CACNA2D1: variants seen among roughly 807,000 people sequenced by gnomAD.
The protein encoded by CACNA2D1 is voltage-dependent calcium channel subunit alpha-2/delta-1.
In CACNA2D1, 53 loss-of-function variants were observed where a neutral mutation model predicts 171.5. That is an observed-to-expected ratio of 0.31 (90% confidence interval 0.25 to 0.39). The LOEUF (loss-of-function observed/expected upper bound fraction) is 0.39. Ranked by LOEUF, CACNA2D1 falls within the 10% of genes least tolerant of loss-of-function variation. CACNA2D1 has a pLI of 1.00. For synonymous variants in CACNA2D1, 442 were observed against 443.1 expected (o/e 1.00, Z 0.03); for missense variants, 903 against 1,299.8 (o/e 0.69, Z 4.69).
chr7:82,296,185 A>C (rs900990927), intron 3 of CACNA2D1, among the ~76,000 whole-genome samples: 1 of 151,890 alleles, frequency 6.6e-6, no homozygotes, highest in African/African-American at 2.4e-5. Flanking sequence ...GGTGCAGCAC[A>C]CCAGCATGGC....
At chr7:82,036,104 T>C (rs973342415) in intron 11 of CACNA2D1, among the ~76,000 whole-genome samples, 1 of 152,218 alleles carries the variant, frequency 6.6e-6, no homozygotes, top group Admixed American at 6.5e-5. Flanking sequence ...TACTTACTAG[T>C]TCAGTTCAGA....
chr7:81,955,978 ATATTTTTTTTT>A (rs1168342759), intron 38 of CACNA2D1, among the ~76,000 whole-genome samples: 27 of 49,222 alleles, frequency 5.5e-4, no homozygotes, highest in Non-Finnish European at 8.0e-4. Flanking sequence ...ATATATATAT[ATATTTTTTTTT>A]TTTTTTTTTT....
intron 1 of CACNA2D1, among the ~76,000 whole-genome samples, chr7:82,416,356 C>T (rs1314641573): frequency 6.6e-6 from 1 of 152,044 alleles, no homozygotes; most frequent in Non-Finnish European, 1.5e-5. Context: ...CCCAACAGAG[C>T]AGCAAAAAGA....
intron 1 of CACNA2D1, among the ~76,000 whole-genome samples, chr7:82,427,670 C>T (rs1829312138): frequency 1.3e-5 from 2 of 152,118 alleles, no homozygotes; most frequent in South Asian, 4.1e-4. Flanking sequence ...TTCAAGTTAC[C>T]CAGCTAGTTG....
At chr7:82,400,306 T>C (rs1826232448) in intron 1 of CACNA2D1, among the ~76,000 whole-genome samples, 1 of 151,744 alleles carries the variant, frequency 6.6e-6, no homozygotes, top group Admixed American at 6.6e-5. Flanking sequence ...ATGGCCATTT[T>C]CACGATATTG....
chr7:82,013,587 ATATTT>A (rs1382374327), intron 13 of CACNA2D1, 77 bp from the exon 14 acceptor site: 1 of 500,878 alleles, frequency 2.0e-6, no homozygotes, highest in African/African-American at 2.0e-5. Context: ...TATTTTATAA[ATATTT>A]TATAAAGAGT....
At chr7:81,979,489 A>G (rs1401704318) in intron 24 of CACNA2D1, among the ~76,000 whole-genome samples, 1 of 152,176 alleles carries the variant, frequency 6.6e-6, no homozygotes, top group Non-Finnish European at 1.5e-5. Flanking sequence ...GAAAGCCAAC[A>G]TGCATAATCT....
chr7:82,016,766 A>T (rs1295700700), intron 12 of CACNA2D1, among the ~76,000 whole-genome samples: 1 of 151,992 alleles, frequency 6.6e-6, no homozygotes, highest in Non-Finnish European at 1.5e-5. Flanking sequence ...TGTCAGCTTT[A>T]ATTATAATTT....
At chr7:82,125,620 G>T (rs140303934) in intron 5 of CACNA2D1, among the ~76,000 whole-genome samples, 1 of 151,954 alleles carries the variant, frequency 6.6e-6, no homozygotes, top group African/African-American at 2.4e-5. Flanking sequence ...GCAAGTGCCC[G>T]TAGTGCCAGC....
chr7:81,980,549 G>A (rs1796343409), intron 24 of CACNA2D1, among the ~76,000 whole-genome samples: 1 of 152,094 alleles, frequency 6.6e-6, no homozygotes, highest in South Asian at 2.1e-4. Context: ...TAATCATAAA[G>A]ACAATATACA....
chr7:82,286,749 A>T (rs1810825314), intron 3 of CACNA2D1, among the ~76,000 whole-genome samples: 2 of 152,242 alleles, frequency 1.3e-5, no homozygotes. Flanking sequence ...GAAAGCAAAA[A>T]GAAAAATGTT....
Position 82,148,324 on chromosome 7 carries a change from GAAA to G in CACNA2D1, c.355-11651_355-11649del, listed in dbSNP as rs77224134. Among the ~76,000 whole-genome samples, 5 of 111,568 alleles carry G rather than the reference GAAA, an allele frequency of 4.5e-5. No individual in the cohort carries two copies. In the Admixed American group the frequency reaches 4.6e-4, roughly 10 times the overall value. The allele number at this position is 111,568 out of a possible 152,430, so 73.2% of individuals were successfully genotyped here. On this transcript the variant is annotated intron_variant, in intron 4 of 38. Transcript: ENST00000356860. ...AAGTCTAAATGATGAGGCATAGTTA[GAAA>G]AAAAAAAAAAAGTCAAGGGATGTTC... is the stretch of plus-strand genomic sequence containing the variant.
At chr7:82,051,312 A>G (rs938683536) in intron 10 of CACNA2D1, among the ~76,000 whole-genome samples, 3 of 152,132 alleles carry the variant, frequency 2.0e-5, no homozygotes, top group African/African-American at 4.8e-5. Flanking sequence ...CTATTTAGCT[A>G]TGGTTCTTCA....
At chr7:82,229,246 A>G (rs1802656704) in intron 3 of CACNA2D1, among the ~76,000 whole-genome samples, 1 of 152,164 alleles carries the variant, frequency 6.6e-6, no homozygotes, top group African/African-American at 2.4e-5. Context: ...CCAAAACAAA[A>G]GACATCAAAC....
chr7:82,134,646 T>A (rs933941815), intron 5 of CACNA2D1, among the ~76,000 whole-genome samples: 1 of 152,174 alleles, frequency 6.6e-6, no homozygotes, highest in African/African-American at 2.4e-5. Context: ...GGAATCCTTA[T>A]CCTAAGCATA....
At chr7:82,393,749 T>C (rs1339252614) in intron 1 of CACNA2D1, among the ~76,000 whole-genome samples, 1 of 152,174 alleles carries the variant, frequency 6.6e-6, no homozygotes, top group Non-Finnish European at 1.5e-5. Flanking sequence ...ATAAAACTCT[T>C]AAAACATTGT....
At chr7:82,163,474 C>T (rs1216422200) in intron 4 of CACNA2D1, among the ~76,000 whole-genome samples, 2 of 151,722 alleles carry the variant, frequency 1.3e-5, no homozygotes, top group African/African-American at 4.8e-5. Flanking sequence ...AATACATGGA[C>T]AAGAATGCAT....
intron 1 of CACNA2D1, among the ~76,000 whole-genome samples, chr7:82,384,839 A>C (rs2129449804): frequency 6.6e-6 from 1 of 152,334 alleles, no homozygotes; most frequent in Non-Finnish European, 1.5e-5. Context: ...CTCACTGCCA[A>C]AAACAGCAGA....
At chr7:82,268,664 A>G (rs1359720752) in intron 3 of CACNA2D1, among the ~76,000 whole-genome samples, 1 of 152,144 alleles carries the variant, frequency 6.6e-6, no homozygotes, top group Admixed American at 6.5e-5. Context: ...GTCTTGCATA[A>G]AAAGCTATAT....
Sources: allele counts gnomAD v4.1 joint callset (sites outside exome capture counted in the v4.1 genomes callset), GRCh38; gene constraint gnomAD v4.1.1; transcripts MANE v1.5; gene names NCBI Gene and HGNC (gene_info 2026-07-23, HGNC 2026-07-21).